ANKRD30B: variants seen among roughly 807,000 people sequenced by gnomAD.
ANKRD30B encodes the protein ankyrin repeat domain 30B.
A neutral mutation model predicts 202.2 loss-of-function variants in ANKRD30B; 144 were observed. The observed-to-expected ratio is 0.71, with a 90% CI of 0.62 to 0.82. The LOEUF (loss-of-function observed/expected upper bound fraction) is 0.82. ANKRD30B is among the 40% of genes least tolerant of loss of function. The pLI, the probability that ANKRD30B is intolerant of heterozygous loss-of-function variation, is 0.00. For missense variants in ANKRD30B, 1,487 were observed against 1,669.1 expected (o/e 0.89, Z 1.90); for synonymous variants, 508 against 561.3 (o/e 0.91, Z 1.34).
intron 1 of ANKRD30B, among the ~76,000 whole-genome samples, chr18:14,749,443 G>T (rs1271852689): frequency 6.6e-6 from 1 of 152,004 alleles, no homozygotes; most frequent in African/African-American, 2.4e-5. Flanking sequence ...CGGCCGAGGC[G>T]GGTGGATCAT....
the ANKRD30B span, among the ~76,000 whole-genome samples, chr18:14,906,249 C>T: frequency 6.6e-6 from 1 of 152,144 alleles, no homozygotes; most frequent in Non-Finnish European, 1.5e-5. Context: ...CCTCTCCCTT[C>T]CACTCTATGT....
At chr18:14,780,813 T>C (rs1299543375) in intron 11 of ANKRD30B, among the ~76,000 whole-genome samples, 1 of 152,266 alleles carries the variant, frequency 6.6e-6, no homozygotes, top group Non-Finnish European at 1.5e-5. Flanking sequence ...AAGGAACATT[T>C]CAGGAGAAAA....
the ANKRD30B span, among the ~76,000 whole-genome samples, chr18:14,890,797 T>C: frequency 2.7e-5 from 4 of 150,006 alleles, no homozygotes; most frequent in African/African-American, 7.3e-5. Context: ...AGTATTTTGA[T>C]ACATGAAAAG....
At chr18:14,783,940 CA>C (rs1365939637) in intron 12 of ANKRD30B, among the ~76,000 whole-genome samples, 3 of 152,082 alleles carry the variant, frequency 2.0e-5, no homozygotes, top group African/African-American at 7.2e-5. Context: ...GCTGAACTCT[CA>C]TCATAACTAT....
At chr18:14,867,744 A>G in the ANKRD30B span, among the ~76,000 whole-genome samples, 1 of 152,114 alleles carries the variant, frequency 6.6e-6, no homozygotes, top group African/African-American at 2.4e-5. Context: ...TGGTGTCTCC[A>G]GTCCCCACCC....
chr18:14,870,132 A>AGCCTATTT, the ANKRD30B span, among the ~76,000 whole-genome samples: 1 of 152,174 alleles, frequency 6.6e-6, no homozygotes, highest in Non-Finnish European at 1.5e-5. Flanking sequence ...CACCACGCGA[A>AGCCTATTT]GCCTATTTAT....
chr18:14,771,334 G>A (rs1249613666), intron 8 of ANKRD30B, among the ~76,000 whole-genome samples: 1 of 152,048 alleles, frequency 6.6e-6, no homozygotes, highest in Non-Finnish European at 1.5e-5. Flanking sequence ...TGTATATATA[G>A]TACTTAGAGA....
At position 14,798,155 on chromosome 18, in the gene ANKRD30B, T is replaced by C. The variant is rs1054445980; in HGVS notation, c.2029+301T>C. The stretch of plus-strand genomic sequence containing the variant: ...TGAGAAATAATAGACACAGACAAGA[T>C]AGTGAAAGCTGTGTCCAGGAGAATC... On this transcript the variant is annotated intron_variant, in intron 20 of 43. Coordinates refer to ENST00000690538, the MANE Select transcript of ANKRD30B (RefSeq NM_001367607.2). Among the ~76,000 whole-genome samples, 3 of 151,040 alleles carry C rather than the reference T, an allele frequency of 2.0e-5. No homozygotes were observed. In the Admixed American group the frequency reaches 2.0e-4, roughly 10 times the overall value.
At position 14,777,998 on chromosome 18, in the gene ANKRD30B, G is replaced by A; in HGVS notation, c.1343G>A (p.Ser448Asn). 1.9e-6 allele frequency: 3 copies of A among 1,546,044 alleles called. No homozygotes were observed. Among genetic ancestry groups the A allele is most frequent in the Admixed American group, 4.0e-5 (2 of 50,210 alleles). ...FNLATKIISK[S>N]AAQNYTCLPD... is the part of the protein sequence containing the mutation. ...TACCTTTAACAGATTATCTCTAAGA[G>A]TGCTGCACAGAATTATACGTGTTTA... The change falls in exon 10 of 44, where the codon AGT becomes AAT. Residue 448 changes from serine to asparagine, a missense_variant. Ser to Asn is a conservative substitution (Grantham distance 46). This residue lies in a region of ANKRD30B where 889 missense variants were observed against 841.4 expected (regional missense o/e 1.06). Coordinates refer to ENST00000690538, the MANE Select transcript of ANKRD30B (RefSeq NM_001367607.2).
rs769222866 is a variant in ANKRD30B, at chr18:14,753,031, T to C, written c.510+19T>C. Reference sequence around the variant, plus strand: ...AAACAAGGTAGACATTAACCAATGTTATTTTCAAAATATTTGAAATCCATT... The same window carrying C: ...AAACAAGGTAGACATTAACCAATGTCATTTTCAAAATATTTGAAATCCATT... On this transcript the variant is annotated intron_variant, in intron 3 of 43. Transcript: ENST00000690538. 1.0e-4 allele frequency: 160 copies of C among 1,534,126 alleles called. No homozygotes were observed. The highest frequency in any genetic ancestry group is 1.4e-4 in the Non-Finnish European group (159 of 1,138,050).
In ANKRD30B at chr18:14,851,237, GT is replaced by G. The variant is rs375734323; in HGVS notation, c.3565-258del. ...TTGAGCTTGTTGTAATTCAGGGAAA[GT>G]TTTTTTTTTTTTTCAATTCTGAGGC... On this transcript the variant is annotated intron_variant, in intron 41 of 43. Coordinates refer to ENST00000690538, the MANE Select transcript of ANKRD30B (RefSeq NM_001367607.2). Among the ~76,000 whole-genome samples the G allele has an allele frequency of 3.6e-3, 514 of 141,208 alleles. 1 individual carries two copies. Among genetic ancestry groups the G allele is most frequent in the Non-Finnish European group, 5.6e-3 (365 of 64,634 alleles). The allele number at this position is 141,208 out of a possible 152,430, so 92.6% of individuals were successfully genotyped here.
chr18:14,940,294 T>C, the ANKRD30B span, among the ~76,000 whole-genome samples: 94,911 of 151,960 alleles, frequency 0.62, 29,803 homozygotes, highest in African/African-American at 0.69. Flanking sequence ...AGTTTCTGGA[T>C]GCAGCATCTC....
downstream of ANKRD30B, among the ~76,000 whole-genome samples, chr18:14,858,924 A>C (rs1972140696): frequency 3.1e-5 from 3 of 96,908 alleles, no homozygotes; most frequent in Admixed American, 2.6e-4. Context: ...GCGGCTGGGC[A>C]GAGGCGCTCC....
chr18:14,871,408 G>A, the ANKRD30B span, among the ~76,000 whole-genome samples: 85 of 151,310 alleles, frequency 5.6e-4, no homozygotes, highest in Non-Finnish European at 9.7e-4. Flanking sequence ...GTGCAGCCTC[G>A]TACTCTGTGC....
At chr18:14,928,866 A>G in the ANKRD30B span, among the ~76,000 whole-genome samples, 2 of 152,190 alleles carry the variant, frequency 1.3e-5, no homozygotes, top group African/African-American at 2.4e-5. Flanking sequence ...ATTGTTTCTC[A>G]GCTGAAGGAC....
At chr18:14,795,926 A>G (rs1348820382) in intron 16 of ANKRD30B, among the ~76,000 whole-genome samples, 1 of 151,702 alleles carries the variant, frequency 6.6e-6, no homozygotes, top group Non-Finnish European at 1.5e-5. Flanking sequence ...TATACGGCAG[A>G]TTAATCTTAC....
chr18:14,759,719 C>G (rs1173744201), intron 5 of ANKRD30B, among the ~76,000 whole-genome samples: 1 of 152,124 alleles, frequency 6.6e-6, no homozygotes, highest in Non-Finnish European at 1.5e-5. Flanking sequence ...AGAGGATAAT[C>G]AGGTTATCCA....
chr18:14,755,412 T>C (rs1371104578), intron 4 of ANKRD30B, among the ~76,000 whole-genome samples: 6 of 152,134 alleles, frequency 3.9e-5, no homozygotes, highest in Admixed American at 1.3e-4. Context: ...TTTATTATTA[T>C]TATACTTTTA....
intron 9 of ANKRD30B, among the ~76,000 whole-genome samples, chr18:14,774,474 T>A (rs911875256): frequency 3.3e-5 from 5 of 152,174 alleles, no homozygotes; most frequent in Admixed American, 2.6e-4. Context: ...ATTTACAGGT[T>A]TCTATTTAGT....
Sources: gnomAD v4.1 joint callset for allele counts (sites outside exome capture counted in the v4.1 genomes callset) on GRCh38, gnomAD v4.1.1 for gene constraint, gnomAD v4.1.1 regional missense constraint, MANE v1.5 for transcripts, NCBI Gene and HGNC (gene_info 2026-07-23, HGNC 2026-07-21) for gene names.